MOGS: variants seen among roughly 807,000 people sequenced by gnomAD.
MOGS encodes the protein mannosyl-oligosaccharide glucosidase.
In MOGS, 45 loss-of-function variants were observed where a neutral mutation model predicts 68.5. The observed-to-expected ratio is 0.66, with a 90% CI of 0.52 to 0.84. The LOEUF is 0.84. Among genes scored for constraint, MOGS ranks in the 40% least tolerant of loss-of-function variants. MOGS has a pLI of 0.00. For synonymous variants in MOGS, 492 were observed against 461.2 expected, an observed-to-expected ratio of 1.07 and a Z score of -0.86; for missense variants, 1,020 against 1,095.0, an observed-to-expected ratio of 0.93 and a Z score of 0.97.
Position 74,461,232 on chromosome 2 carries a change from C to G in MOGS, c.*43G>C. On this transcript the variant is annotated 3_prime_UTR_variant, in exon 4 of 4. Transcript: ENST00000448666. ...GCCAGAAGCCTTTGTCCCTTCAGAG[C>G]CAGAGTGGCATGAGTGTCTTGGCTC... is the stretch of plus-strand genomic sequence containing the variant. The G allele has an allele frequency of 6.2e-7, 1 of 1,611,462 alleles. No homozygotes were observed. Among genetic ancestry groups the G allele is most frequent in the South Asian group, 1.1e-5 (1 of 90,892 alleles).
At position 74,462,491 on chromosome 2, in the gene MOGS, G is replaced by A. The variant is rs1205140138; in HGVS notation, c.1298C>T (p.Pro433Leu). 6.2e-7 allele frequency: 1 copy of A among 1,608,762 alleles called. No individual in the cohort carries two copies. The highest frequency in any genetic ancestry group is 2.2e-5 in the East Asian group (1 of 44,788). The change falls in exon 4 of 4, where the codon CCT becomes CTT. Residue 433 changes from proline (P) to leucine (L), a missense_variant. Physicochemically the swap from Pro to Leu is moderately conservative, Grantham distance 98 (BLOSUM62 -3). Coordinates refer to ENST00000448666, the MANE Select transcript of MOGS (RefSeq NM_006302.3). ...KVDPALFPPVPLFTAVPSRSF... is the reference protein window; with the variant it reads ...KVDPALFPPVLLFTAVPSRSF... ...CCGGGAGGGCACTGCTGTAAAAAGA[G>A]GTACGGGTGGAAAGAGGGCTGGGTC... is the stretch of plus-strand genomic sequence containing the variant.
chr2:74,462,250 T>G lies in MOGS; in HGVS notation c.1539A>C (p.Pro513=). The G allele has an allele frequency of 1.2e-6, 2 of 1,613,970 alleles. No homozygotes were observed. Among genetic ancestry groups the G allele is most frequent in the African/African-American group, 1.3e-5 (1 of 75,006 alleles). The part of the protein sequence containing the change: ...LVQRAVHANP[P]TLLLPVAHML... ...TATGGGCTACAGGCAAAAGTAGGGT[T>G]GGGGGGTTGGCGTGGACTGCTCGTT... Residue 513 remains proline (P), a synonymous_variant, in exon 4 of 4, where the codon CCA becomes CCC. Transcript: ENST00000448666.
chr2:74,463,657 ATTCT>A (rs1441666349), intron 2 of MOGS: 4 of 299,400 alleles, frequency 1.3e-5, no homozygotes, highest in South Asian at 4.1e-5. Context: ...ATTTCATTTA[ATTCT>A]TTTTTTTTTT....
Position 74,465,159 on chromosome 2 carries a change from C to G in MOGS, c.89G>C (p.Arg30Pro), listed in dbSNP as rs1257979415. ...ERAARGGPGR[R>P]DGRGGGPRST... ...ACGCGGCCCGCCGCCCCGGCCGTCC[C>G]GTCGCCCGGGGCCTCCCCGAGCCGC... is the stretch of plus-strand genomic sequence containing the variant. The change falls in exon 1 of 4, where the codon CGG becomes CCG. Residue 30 changes from arginine (R) to proline (P), a missense_variant. Arg to Pro is a moderately radical substitution (Grantham distance 103). This residue lies in a region of MOGS where 569 missense variants were observed against 571.9 expected (regional missense o/e 0.99). Transcript: ENST00000448666. 1 of 1,531,516 alleles carries G rather than the reference C, an allele frequency of 6.5e-7. No homozygotes were observed. The highest frequency in any genetic ancestry group is 2.0e-5 in the Admixed American group (1 of 50,770). The allele number at this position is 1,531,516 out of a possible 1,614,324, so 94.9% of individuals were successfully genotyped here.
chr2:74,463,446 C>G, intron 2 of MOGS, 60 bp from the exon 3 acceptor site: 1 of 1,544,232 alleles, frequency 6.5e-7, no homozygotes, highest in Non-Finnish European at 8.9e-7. Flanking sequence ...TCTTGAATTC[C>G]CTCTTGAGAA....
chr2:74,461,116 C>T lies in MOGS; in HGVS notation c.*159G>A. The T allele has an allele frequency of 2.5e-6, 2 of 800,762 alleles. No individual in the cohort carries two copies. Among genetic ancestry groups the T allele is most frequent in the Non-Finnish European group, 4.1e-6 (2 of 486,000 alleles). The allele number at this position is 800,762 out of a possible 1,614,324, so 49.6% of individuals were successfully genotyped here. On this transcript the variant is annotated 3_prime_UTR_variant, in exon 4 of 4. Coordinates refer to ENST00000448666, the MANE Select transcript of MOGS (RefSeq NM_006302.3). ...AAAATAGACTCTGGATTCACATTCA[C>T]CCCAGGGCTATGTGGGATGACAGCA...
rs761490279 is a variant in MOGS, at chr2:74,462,118, T to C, written c.1671A>G (p.Pro557=). The C allele has an allele frequency of 1.2e-6, 2 of 1,613,894 alleles. No individual in the cohort carries two copies. The highest frequency in any genetic ancestry group is 1.7e-5 in the Admixed American group (1 of 60,006). The change falls in exon 4 of 4, where the codon CCA becomes CCG. Residue 557 remains proline, a synonymous_variant. Coordinates refer to ENST00000448666, the MANE Select transcript of MOGS (RefSeq NM_006302.3). ...WLHQSQAGPL[P]LSYRWRGRDP... is the part of the protein sequence containing the mutation. ...CCCGTCCCCGCCAGCGGTAAGATAG[T>C]GGCAGTGGGCCTGCCTGGCTCTGAT... is the stretch of plus-strand genomic sequence containing the variant.
At position 74,465,166 on chromosome 2, in the gene MOGS, C is replaced by T; in HGVS notation, c.82G>A (p.Gly28Arg). The part of the protein sequence containing the change: ...TAERAARGGP[G>R]RRDGRGGGPR... ...CCGCCGCCCCGGCCGTCCCGTCGCCCGGGGCCTCCCCGAGCCGCCCTCTCG... is the reference window on the plus strand; with the variant it reads ...CCGCCGCCCCGGCCGTCCCGTCGCCTGGGGCCTCCCCGAGCCGCCCTCTCG... Residue 28 changes from glycine to arginine, a missense_variant, in exon 1 of 4, where the codon GGG (glycine) becomes AGG (arginine). Gly to Arg is a moderately radical substitution (Grantham distance 125, BLOSUM62 -2). Around this residue, in one of 3 missense-constraint regions of MOGS, gnomAD observed 569 missense variants for 571.9 expected, o/e 0.99. Transcript: ENST00000448666. 2 of 1,531,160 alleles carry T rather than the reference C, an allele frequency of 1.3e-6. No homozygotes were observed. Among genetic ancestry groups the T allele is most frequent in the Non-Finnish European group, 1.7e-6 (2 of 1,145,624 alleles). 94.8% of individuals were successfully genotyped at this position (1,531,160 alleles called of 1,614,324 possible).
chr2:74,465,377 G>A lies in MOGS; in HGVS notation c.-130C>T. 1 of 463,696 alleles carries A rather than the reference G, an allele frequency of 2.2e-6. No homozygotes were observed. The highest frequency in any genetic ancestry group is 3.7e-6 in the Non-Finnish European group (1 of 272,558). The allele number at this position is 463,696 out of a possible 1,614,324, so 28.7% of individuals were successfully genotyped here. A position where few individuals can be genotyped will look rare whatever the true frequency, so the allele number is the denominator to read the frequency against. Reference sequence around the variant, plus strand: ...CGGTTAGCGACACCTGCCAGCCAGCGCCTGCGCCTCCGCCTCCGCCTCCCG... The same window carrying A: ...CGGTTAGCGACACCTGCCAGCCAGCACCTGCGCCTCCGCCTCCGCCTCCCG... On this transcript the variant is annotated 5_prime_UTR_variant, in exon 1 of 4. Coordinates refer to ENST00000448666, the MANE Select transcript of MOGS (RefSeq NM_006302.3).
rs950719119 is a variant in MOGS, at chr2:74,461,151, C to T, written c.*124G>A. The T allele has an allele frequency of 1.9e-6, 2 of 1,076,384 alleles. No homozygotes were observed. The highest frequency in any genetic ancestry group is 1.9e-5 in the Admixed American group (1 of 51,604). 66.7% of individuals were successfully genotyped at this position (1,076,384 alleles called of 1,614,324 possible). A position where few individuals can be genotyped will look rare whatever the true frequency, so the allele number is the denominator to read the frequency against. ...ATGTGGGATGACAGCAAGGAGACAC[C>T]TGAGATGAAATGAGGAAGGTTTGAA... On this transcript the variant is annotated 3_prime_UTR_variant, in exon 4 of 4. Transcript: ENST00000448666.
rs761795840 is a variant in MOGS, at chr2:74,462,715, G to A, written c.1074C>T (p.Thr358=). The A allele has an allele frequency of 1.1e-5, 17 of 1,614,204 alleles. No individual in the cohort carries two copies. The highest frequency in any genetic ancestry group is 1.4e-5 in the Non-Finnish European group (16 of 1,180,044). Residue 358 remains threonine, a synonymous_variant, in exon 4 of 4, where the codon ACC becomes ACT. Transcript: ENST00000448666. The part of the protein sequence containing the change: ...ALPRLAGSLL[T]QALESHAEGF... The stretch of plus-strand genomic sequence containing the variant: ...CTTCAGCATGGCTCTCCAGGGCCTG[G>A]GTCAGTAGACTGCCTGCCAGTCTTG...
rs775593091 is a variant in MOGS at position 74,461,844 on chromosome 2, G to A, written c.1945C>T (p.Leu649=). The change falls in exon 4 of 4, where the codon CTA becomes TTA. Residue 649 remains leucine (L), a synonymous_variant. Coordinates refer to ENST00000448666, the MANE Select transcript of MOGS (RefSeq NM_006302.3). ...SLDELHWAPE[L]GVFADFGNHT... is the part of the protein sequence containing the mutation. Reference sequence around the variant, plus strand: ...TTCCCAAAGTCTGCAAAGACTCCTAGCTCTGGGGCCCAGTGCAGCTCATCC... The same window carrying A: ...TTCCCAAAGTCTGCAAAGACTCCTAACTCTGGGGCCCAGTGCAGCTCATCC... The A allele has an allele frequency of 6.2e-7, 1 of 1,614,108 alleles. No individual in the cohort carries two copies. Among genetic ancestry groups the A allele is most frequent in the South Asian group, 1.1e-5 (1 of 91,086 alleles).
In MOGS at chr2:74,461,224, C is replaced by A. The variant is rs747195681; in HGVS notation, c.*51G>T. 1 of 1,609,422 alleles carries A rather than the reference C, an allele frequency of 6.2e-7. No homozygotes were observed. The highest frequency in any genetic ancestry group is 1.7e-5 in the Admixed American group (1 of 59,982). On this transcript the variant is annotated 3_prime_UTR_variant, in exon 4 of 4. Coordinates refer to ENST00000448666, the MANE Select transcript of MOGS (RefSeq NM_006302.3). ...GGGCAAAAGCCAGAAGCCTTTGTCCCTTCAGAGCCAGAGTGGCATGAGTGT... is the reference window on the plus strand; with the variant it reads ...GGGCAAAAGCCAGAAGCCTTTGTCCATTCAGAGCCAGAGTGGCATGAGTGT...
At chr2:74,463,619 G>A in intron 2 of MOGS, 1 of 500,276 alleles carries the variant, frequency 2.0e-6, no homozygotes, top group South Asian at 2.1e-5. Context: ...TTTGTACTAT[G>A]TCCTACACTA....
chr2:74,462,549 C>CTGGCAATACCAGCCCTTGTCCGTAGAAG lies in MOGS; in HGVS notation c.1212_1239dup (p.Asp414LeufsTer17), dbSNP rs1558565640. 1.9e-6 allele frequency: 3 copies of CTGGCAATACCAGCCCTTGTCCGTAGAAG among 1,610,816 alleles called. No homozygotes were observed. In the East Asian group the frequency reaches 6.7e-5, roughly 36 times the overall value. The stretch of plus-strand genomic sequence containing the variant: ...TGCTCAGACCCTTCCACCCCGATGT[C>CTGGCAATACCAGCCCTTGTCCGTAGAAG]TGGCAATACCAGCCCTTGTCCGTAG... On this transcript the variant is annotated frameshift_variant, in exon 4 of 4. Coordinates refer to ENST00000448666, the MANE Select transcript of MOGS (RefSeq NM_006302.3). LOFTEE classifies it high-confidence loss of function.
Position 74,461,395 on chromosome 2 carries a change from C to T in MOGS, c.2394G>A (p.Gln798=), listed in dbSNP as rs1432480854. The part of the protein sequence containing the change: ...RANVVGNVWR[Q]YQATGFLWEQ... ...CCCAAAGAAAGCCTGTAGCCTGGTACTGGCGCCATACATTGCCTACCACGT... is the reference window on the plus strand; with the variant it reads ...CCCAAAGAAAGCCTGTAGCCTGGTATTGGCGCCATACATTGCCTACCACGT... Residue 798 remains glutamine (Q), a synonymous_variant, in exon 4 of 4, where the codon CAG becomes CAA. Coordinates refer to ENST00000448666, the MANE Select transcript of MOGS (RefSeq NM_006302.3). 6.2e-7 allele frequency: 1 copy of T among 1,614,214 alleles called. No homozygotes were observed. Among genetic ancestry groups the T allele is most frequent in the African/African-American group, 1.3e-5 (1 of 75,084 alleles).
At position 74,461,616 on chromosome 2, in the gene MOGS, G is replaced by A; in HGVS notation, c.2173C>T (p.Pro725Ser). ...ILADSRHLWS[P>S]FGLRSLAASS... Reference sequence around the variant, plus strand: ...GCTGCAAGGGAGCGTAAACCAAAGGGGCTCCAGAGATGGCGGCTGTCGGCT... The same window carrying A: ...GCTGCAAGGGAGCGTAAACCAAAGGAGCTCCAGAGATGGCGGCTGTCGGCT... Residue 725 changes from proline (P) to serine (S), a missense_variant, in exon 4 of 4, where the codon CCC becomes TCC. This residue lies in a region of MOGS where 270 missense variants were observed against 261.3 expected (regional missense o/e 1.03). Coordinates refer to ENST00000448666, the MANE Select transcript of MOGS (RefSeq NM_006302.3). The A allele has an allele frequency of 6.2e-7, 1 of 1,614,068 alleles. No individual in the cohort carries two copies. The highest frequency in any genetic ancestry group is 1.1e-5 in the South Asian group (1 of 91,086).
chr2:74,461,238 TG>T lies in MOGS; in HGVS notation c.*36del. The T allele has an allele frequency of 6.2e-7, 1 of 1,612,020 alleles. No homozygotes were observed. Among genetic ancestry groups the T allele is most frequent in the South Asian group, 1.1e-5 (1 of 90,926 alleles). On this transcript the variant is annotated 3_prime_UTR_variant, in exon 4 of 4. Coordinates refer to ENST00000448666, the MANE Select transcript of MOGS (RefSeq NM_006302.3). ...AGCCTTTGTCCCTTCAGAGCCAGAG[TG>T]GCATGAGTGTCTTGGCTCCCCTCCT...
rs1210861200 is a variant in MOGS, at chr2:74,461,875, C to G, written c.1914G>C (p.Glu638Asp). Residue 638 changes from glutamate (E) to aspartate (D), a missense_variant, in exon 4 of 4, where the codon GAG becomes GAC. Around this residue, in one of 3 missense-constraint regions of MOGS, gnomAD observed 270 missense variants for 261.3 expected, o/e 1.03. Coordinates refer to ENST00000448666, the MANE Select transcript of MOGS (RefSeq NM_006302.3). ...GPLAASLEAAESLDELHWAPE... is the reference protein window; with the variant it reads ...GPLAASLEAADSLDELHWAPE... ...GGGCCCAGTGCAGCTCATCCAGGCT[C>G]TCTGCTGCCTCCAGTGAGGCAGCCA... 1.1e-5 allele frequency: 17 copies of G among 1,614,076 alleles called. No homozygotes were observed. The highest frequency in any genetic ancestry group is 3.3e-5 in the Admixed American group (2 of 60,026).
Sources: allele counts gnomAD v4.1 joint callset, GRCh38; gene constraint gnomAD v4.1.1; regional missense constraint gnomAD v4.1.1; transcripts MANE v1.5; gene names NCBI Gene and HGNC (gene_info 2026-07-23, HGNC 2026-07-21).